DYNC2I2: variants seen among roughly 807,000 people sequenced by gnomAD.
The protein encoded by DYNC2I2 is cytoplasmic dynein 2 intermediate chain 2.
In DYNC2I2, 39 loss-of-function variants were observed where a neutral mutation model predicts 52.0. The ratio of observed to expected loss-of-function variants is 0.75; its 90% CI spans 0.58 to 0.98. DYNC2I2 has a LOEUF of 0.98. Among genes scored for constraint, DYNC2I2 ranks in the 50% least tolerant of loss-of-function variants. DYNC2I2 has a pLI of 0.00. For synonymous variants in DYNC2I2, 359 were observed against 321.1 expected, an observed-to-expected ratio of 1.12 and a Z score of -1.26; for missense variants, 743 against 728.4, an observed-to-expected ratio of 1.02 and a Z score of -0.23.
intron 1 of DYNC2I2, among the ~76,000 whole-genome samples, chr9:128,645,434 AGAGT>A (rs1860596563): frequency 6.7e-6 from 1 of 149,994 alleles, no homozygotes; most frequent in South Asian, 2.1e-4. Flanking sequence ...CTGGGCAACA[AGAGT>A]GAAACTCTGT....
the DYNC2I2 span, among the ~76,000 whole-genome samples, chr9:128,677,068 C>T: frequency 6.6e-6 from 1 of 151,218 alleles, no homozygotes; most frequent in African/African-American, 2.4e-5. Flanking sequence ...CAGGATGGTC[C>T]TGATCTCCTG....
chr9:128,665,727 A>T, the DYNC2I2 span, among the ~76,000 whole-genome samples: 1 of 143,942 alleles, frequency 6.9e-6, no homozygotes, highest in East Asian at 2.1e-4. Flanking sequence ...CCGAGATTGC[A>T]CCACTATACT....
In DYNC2I2 at chr9:128,634,418, A is replaced by G. The variant is rs775665849; in HGVS notation, c.1215-35T>C. On this transcript the variant is annotated intron_variant, in intron 7 of 8. Coordinates refer to ENST00000372715, the MANE Select transcript of DYNC2I2 (RefSeq NM_052844.4). ...ATGCAGGGGGCCAGGCAAGGGAATCAGTGCTGGGGTCTGGGTGGTGCTGGC... is the reference window on the plus strand; with the variant it reads ...ATGCAGGGGGCCAGGCAAGGGAATCGGTGCTGGGGTCTGGGTGGTGCTGGC... 13 of 1,544,512 alleles carry G rather than the reference A, an allele frequency of 8.4e-6. No individual in the cohort carries two copies. In the South Asian group the frequency reaches 1.4e-4, roughly 17 times the overall value.
At chr9:128,635,865 G>T in intron 4 of DYNC2I2, 98 bp from the exon 5 acceptor site, 1 of 1,175,268 alleles carries the variant, frequency 8.5e-7, no homozygotes, top group Non-Finnish European at 1.2e-6. Context: ...GCCAGGGCCA[G>T]GGCCAGGCGG....
intron 8 of DYNC2I2, 100 bp downstream of exon 8, chr9:128,634,126 C>A: frequency 6.4e-7 from 1 of 1,572,586 alleles, no homozygotes; most frequent in South Asian, 1.2e-5. Context: ...CCGTCCTTAC[C>A]CCCATGTGTG....
At chr9:128,675,489 T>G in the DYNC2I2 span, among the ~76,000 whole-genome samples, 1 of 152,130 alleles carries the variant, frequency 6.6e-6, no homozygotes, top group African/African-American at 2.4e-5. Flanking sequence ...GGAGCCTTGA[T>G]TCTTCATTTG....
the DYNC2I2 span, chr9:128,683,970 G>A: frequency 3.2e-6 from 5 of 1,556,780 alleles, no homozygotes; most frequent in Non-Finnish European, 4.3e-6. Flanking sequence ...TGGGACCGGA[G>A]GAGACATCGG....
chr9:128,656,220 C>A (rs1469275169), intron 1 of DYNC2I2, among the ~76,000 whole-genome samples: 11 of 149,490 alleles, frequency 7.4e-5, no homozygotes, highest in African/African-American at 2.4e-4. Context: ...AAAAAAAAAA[C>A]ACAAAACAAA....
At chr9:128,642,400 G>A (rs1299670990) in intron 1 of DYNC2I2, among the ~76,000 whole-genome samples, 1 of 146,918 alleles carries the variant, frequency 6.8e-6, no homozygotes, top group Non-Finnish European at 1.5e-5. Flanking sequence ...AGGTTGCACT[G>A]AGCCGAGATC....
chr9:128,671,951 C>A, the DYNC2I2 span, among the ~76,000 whole-genome samples: 1 of 145,542 alleles, frequency 6.9e-6, no homozygotes, highest in Middle Eastern at 3.7e-3. Flanking sequence ...CCGCGCCCGG[C>A]CTAATTTTTG....
the DYNC2I2 span, among the ~76,000 whole-genome samples, chr9:128,680,222 G>A: frequency 2.4e-4 from 36 of 151,594 alleles, no homozygotes; most frequent in Non-Finnish European, 3.8e-4. Context: ...CACCACACCC[G>A]GCTAATTTTT....
chr9:128,636,047 G>T, intron 4 of DYNC2I2: 3 of 760,050 alleles, frequency 3.9e-6, no homozygotes. Flanking sequence ...GCCTCTTCTG[G>T]CCTCTCCACA....
intron 1 of DYNC2I2, among the ~76,000 whole-genome samples, chr9:128,655,782 C>T (rs896884107): frequency 1.2e-3 from 183 of 147,214 alleles, no homozygotes; most frequent in African/African-American, 4.4e-3. Flanking sequence ...GTGCTGGCGG[C>T]CGCCTGTAGT....
chr9:128,668,283 T>C, the DYNC2I2 span, among the ~76,000 whole-genome samples: 2 of 140,082 alleles, frequency 1.4e-5, no homozygotes, highest in African/African-American at 5.0e-5. Context: ...GACCTTGTAA[T>C]CTGCCCGCCT....
the DYNC2I2 span, among the ~76,000 whole-genome samples, chr9:128,665,909 A>G: frequency 9.2e-6 from 1 of 108,190 alleles, no homozygotes; most frequent in Non-Finnish European, 1.8e-5. Context: ...CGTCTCTACT[A>G]AAAAAAAAAA....
chr9:128,636,815 C>A, intron 3 of DYNC2I2, 103 bp downstream of exon 3: 1 of 910,650 alleles, frequency 1.1e-6, no homozygotes. Flanking sequence ...CCCAGGATGG[C>A]CAAGCTCTTA....
the DYNC2I2 span, among the ~76,000 whole-genome samples, chr9:128,675,352 T>C: frequency 1.3e-5 from 2 of 151,996 alleles, no homozygotes; most frequent in African/African-American, 4.8e-5. Flanking sequence ...CAATTTTGTA[T>C]TTTTAGTAGA....
intron 1 of DYNC2I2, among the ~76,000 whole-genome samples, chr9:128,654,621 A>C (rs891974547): frequency 6.6e-6 from 1 of 152,218 alleles, no homozygotes; most frequent in East Asian, 1.9e-4. Context: ...ACAGTGGTGC[A>C]ATCATAGCTC....
chr9:128,636,335 G>A lies in DYNC2I2; in HGVS notation c.649C>T (p.Pro217Ser). ...AAGGCCAGACACAGGACAGCGCTGG[G>A]GACCTCCACCACGGCCGACGGCTGC... ...PQQPSAVVEV[P>S]SAVLCLAFHP... The change falls in exon 4 of 9, where the codon CCC (proline) becomes TCC (serine). Residue 217 changes from proline to serine, a missense_variant. Transcript: ENST00000372715. The A allele has an allele frequency of 8.1e-6, 13 of 1,600,456 alleles. No homozygotes were observed. Among genetic ancestry groups the A allele is most frequent in the Non-Finnish European group, 1.1e-5 (13 of 1,174,106 alleles).
Sources: allele counts gnomAD v4.1 joint callset (sites outside exome capture counted in the v4.1 genomes callset), GRCh38; gene constraint gnomAD v4.1.1; transcripts MANE v1.5; gene names NCBI Gene and HGNC (gene_info 2026-07-23, HGNC 2026-07-21).